Variants in ROBO2 observed in about 807,000 individuals in gnomAD.
ROBO2 encodes roundabout homolog 2.
A neutral mutation model predicts 160.8 loss-of-function variants in ROBO2; 53 were observed. The ratio of observed to expected loss-of-function variants is 0.33; its 90% confidence interval spans 0.26 to 0.41. ROBO2 has a LOEUF of 0.41. Ranked by LOEUF, ROBO2 falls within the 10% of genes least tolerant of loss-of-function variation. The pLI is 1.00. For synonymous variants in ROBO2, 664 were observed against 611.7 expected (o/e 1.09, Z -1.26); for missense variants, 1,577 against 1,722.4 (o/e 0.92, Z 1.49).
At chr3:76,462,169 G>C (rs1020261117) in intron 2 of ROBO2, among the ~76,000 whole-genome samples, 1 of 152,122 alleles carries the variant, frequency 6.6e-6, no homozygotes, top group South Asian at 2.1e-4. Flanking sequence ...AGACTATTAG[G>C]AGAAATAAGT....
intron 2 of ROBO2, among the ~76,000 whole-genome samples, chr3:77,358,388 C>T (rs1560614285): frequency 1.3e-5 from 2 of 152,058 alleles, no homozygotes; most frequent in Admixed American, 1.3e-4. Flanking sequence ...CACCTTACTC[C>T]GATGTGACAT....
intron 2 of ROBO2, among the ~76,000 whole-genome samples, chr3:77,426,080 G>A (rs914042608): frequency 3.3e-5 from 5 of 152,108 alleles, no homozygotes; most frequent in African/African-American, 1.2e-4. Flanking sequence ...GTTGGATTGG[G>A]AGGGAGCAAG....
intron 2 of ROBO2, among the ~76,000 whole-genome samples, chr3:76,257,188 A>ATT (rs1706450946): frequency 6.6e-6 from 1 of 152,174 alleles, no homozygotes; most frequent in Non-Finnish European, 1.5e-5. Context: ...CTTGGCCAGA[A>ATT]TATACAATGA....
rs539737666 is a variant in ROBO2, at chr3:76,211,025, G to A, written c.109+273423G>A. Among the ~76,000 whole-genome samples, 6 of 152,140 alleles carry A rather than the reference G, an allele frequency of 3.9e-5. No homozygotes were observed. In the South Asian group the frequency reaches 1.2e-3, roughly 32 times the overall value. On this transcript the variant is annotated intron_variant, in intron 2 of 26. Transcript: ENST00000487694. Reference sequence around the variant, plus strand: ...AGTGTTTTAACCAATCTTTTGTAATGAGTGACGTAGAAAAAAATTCATTTG... The same window carrying A: ...AGTGTTTTAACCAATCTTTTGTAATAAGTGACGTAGAAAAAAATTCATTTG...
chr3:77,397,863 C>A (rs1192836309), intron 2 of ROBO2, among the ~76,000 whole-genome samples: 2 of 151,474 alleles, frequency 1.3e-5, no homozygotes, highest in Admixed American at 6.6e-5. Flanking sequence ...TCTGCAAAAC[C>A]GTTTATTTAC....
At chr3:76,534,403 G>T (rs940889762) in intron 2 of ROBO2, among the ~76,000 whole-genome samples, 1 of 152,078 alleles carries the variant, frequency 6.6e-6, no homozygotes, top group East Asian at 1.9e-4. Flanking sequence ...AAAGCTTTTT[G>T]TCCCCATTTC....
chr3:76,094,769 C>G (rs948928923), intron 2 of ROBO2, among the ~76,000 whole-genome samples: 1 of 152,110 alleles, frequency 6.6e-6, no homozygotes, highest in Non-Finnish European at 1.5e-5. Context: ...GAAAGGGAAA[C>G]TACAAAATCA....
chr3:76,168,056 T>TTCTGTTTCCTTTG (rs2072903692), intron 2 of ROBO2, among the ~76,000 whole-genome samples: 1 of 152,196 alleles, frequency 6.6e-6, no homozygotes, highest in Admixed American at 6.5e-5. Context: ...CATGCTGTTA[T>TTCTGTTTCCTTTG]TCTGTTTCCT....
chr3:76,229,425 AAC>A (rs1395952625), intron 2 of ROBO2, among the ~76,000 whole-genome samples: 1 of 152,158 alleles, frequency 6.6e-6, no homozygotes, highest in African/African-American at 2.4e-5. Flanking sequence ...ATTTCAAAAA[AAC>A]AAGCAATAGA....
intron 1 of ROBO2, among the ~76,000 whole-genome samples, chr3:75,934,710 T>G (rs1005421891): frequency 6.6e-6 from 1 of 152,168 alleles, no homozygotes; most frequent in Non-Finnish European, 1.5e-5. Flanking sequence ...AATAACATTT[T>G]GAAAACCATC....
chr3:76,160,108 T>C (rs13434183), intron 2 of ROBO2, among the ~76,000 whole-genome samples: 7,005 of 152,222 alleles, frequency 0.046, 371 homozygotes, highest in East Asian at 0.22. Flanking sequence ...ATTTTTTGGC[T>C]CTGCAGAAAG....
intron 2 of ROBO2, among the ~76,000 whole-genome samples, chr3:77,260,298 T>A (rs2058693896): frequency 6.6e-6 from 1 of 152,194 alleles, no homozygotes; most frequent in Non-Finnish European, 1.5e-5. Context: ...ATATACATTA[T>A]TATAGCCCTT....
At chr3:77,566,759 G>C (rs2153664923) in intron 12 of ROBO2, among the ~76,000 whole-genome samples, 1 of 152,126 alleles carries the variant, frequency 6.6e-6, no homozygotes, top group Non-Finnish European at 1.5e-5. Flanking sequence ...TAGAGTGAAA[G>C]ACTTCTGTGC....
At chr3:76,170,180 GT>G (rs146343291) in intron 2 of ROBO2, among the ~76,000 whole-genome samples, 7,031 of 152,108 alleles carry the variant, frequency 0.046, 435 homozygotes, top group African/African-American at 0.14. Flanking sequence ...GTAATACAGG[GT>G]TTGTTTTCCT....
At chr3:77,642,075 C>T (rs1373166838) in intron 24 of ROBO2, among the ~76,000 whole-genome samples, 4 of 152,094 alleles carry the variant, frequency 2.6e-5, no homozygotes, top group Non-Finnish European at 5.9e-5. Context: ...AACTCATTAG[C>T]TAACTCATGA....
At position 77,503,248 on chromosome 3, in the gene ROBO2, A is replaced by G. The variant is rs1476721710; in HGVS notation, c.806+9866A>G. ...AAAAATAATAATAATATAAATGGCCAGGCGCGGTGGCTCACGCCTGTAATC... is the reference window on the plus strand; with the variant it reads ...AAAAATAATAATAATATAAATGGCCGGGCGCGGTGGCTCACGCCTGTAATC... On this transcript the variant is annotated intron_variant, in intron 5 of 25. Coordinates refer to ENST00000461745, the Ensembl canonical transcript of ROBO2. 2.6e-5 allele frequency among the ~76,000 whole-genome samples: 4 copies of G among 151,600 alleles called. No individual in the cohort carries two copies. In the East Asian group the frequency reaches 7.7e-4, roughly 29 times the overall value.
Position 76,252,990 on chromosome 3 carries a change from A to T in ROBO2, c.109+315388A>T, listed in dbSNP as rs182486490. 5.3e-5 allele frequency among the ~76,000 whole-genome samples: 8 copies of T among 152,118 alleles called. No homozygotes were observed. In the South Asian group the frequency reaches 1.7e-3, roughly 32 times the overall value. On this transcript the variant is annotated intron_variant, in intron 2 of 26. Coordinates refer to the ROBO2 transcript ENST00000487694. ...GTTAAGGTTTTGAACTGATTTGACA[A>T]GGCCCCCCCACATTATCAAACATAT... is the stretch of plus-strand genomic sequence containing the variant.
At chr3:76,353,300 C>G (rs1048838472) in intron 2 of ROBO2, among the ~76,000 whole-genome samples, 1 of 151,782 alleles carries the variant, frequency 6.6e-6, no homozygotes, top group African/African-American at 2.4e-5. Flanking sequence ...TTTGTGTAGG[C>G]ATAAGAACAG....
At chr3:77,351,538 G>T (rs1252519509) in intron 2 of ROBO2, among the ~76,000 whole-genome samples, 2 of 152,064 alleles carry the variant, frequency 1.3e-5, no homozygotes. Flanking sequence ...GAGATAAAGG[G>T]TTCCTTGGTT....
Sources: gnomAD v4.1 joint callset for allele counts (sites outside exome capture counted in the v4.1 genomes callset) on GRCh38, gnomAD v4.1.1 for gene constraint, MANE v1.5 for transcripts, NCBI Gene and HGNC (gene_info 2026-07-23, HGNC 2026-07-21) for gene names.